Variants in LAMA2 observed in about 807,000 individuals in gnomAD.
The protein encoded by LAMA2 is laminin subunit alpha 2.
In LAMA2, 269 loss-of-function variants were observed where a neutral mutation model predicts 364.8. The observed-to-expected ratio is 0.74, with a 90% CI of 0.67 to 0.82. The LOEUF (loss-of-function observed/expected upper bound fraction) is 0.82, where lower values mean the gene tolerates loss of function less well. Among genes scored for constraint, LAMA2 ranks in the 40% least tolerant of loss-of-function variants. The pLI is 0.00. For synonymous variants in LAMA2, 1,379 were observed against 1,370.6 expected (o/e 1.01, Z -0.14); for missense variants, 3,807 against 3,873.2 (o/e 0.98, Z 0.45).
intron 6 of LAMA2, among the ~76,000 whole-genome samples, chr6:129,148,187 G>T (rs1778582885): frequency 6.6e-6 from 1 of 152,102 alleles, no homozygotes; most frequent in Admixed American, 6.6e-5. Flanking sequence ...AAAGGAATGA[G>T]ATCATGTCCT....
chr6:129,205,493 T>TATATATATATACAC (rs1343472728), intron 12 of LAMA2, among the ~76,000 whole-genome samples: 1 of 104,272 alleles, frequency 9.6e-6, no homozygotes, highest in African/African-American at 5.5e-5. Flanking sequence ...TATATATATA[T>TATATATATATACAC]ACACACACAC....
intron 61 of LAMA2, among the ~76,000 whole-genome samples, chr6:129,507,061 C>T (rs1172603725): frequency 1.4e-5 from 2 of 138,398 alleles, no homozygotes; most frequent in African/African-American, 2.6e-5. Context: ...AGCACTGAAC[C>T]AAACCTAATT....
At chr6:129,513,770 C>A (rs1050891098) in intron 63 of LAMA2, among the ~76,000 whole-genome samples, 1 of 152,086 alleles carries the variant, frequency 6.6e-6, no homozygotes, top group African/African-American at 2.4e-5. Context: ...AGTCTAAGTT[C>A]TTCATTGTTA....
intron 1 of LAMA2, among the ~76,000 whole-genome samples, chr6:128,911,180 C>G (rs564388991): frequency 1.4e-4 from 22 of 151,966 alleles, no homozygotes; most frequent in African/African-American, 3.4e-4. Flanking sequence ...TCGAGCTTCC[C>G]GGCTGCTTTG....
chr6:129,049,084 T>C (rs887853936), intron 1 of LAMA2, among the ~76,000 whole-genome samples: 1 of 152,216 alleles, frequency 6.6e-6, no homozygotes, highest in African/African-American at 2.4e-5. Context: ...GAGTGGCTTT[T>C]GATGAGTGAC....
chr6:128,964,592 A>G (rs534530202), intron 1 of LAMA2, among the ~76,000 whole-genome samples: 14 of 152,220 alleles, frequency 9.2e-5, no homozygotes, highest in African/African-American at 3.4e-4. Context: ...GTTTGAATCT[A>G]AGTAGATGAG....
intron 3 of LAMA2, among the ~76,000 whole-genome samples, chr6:129,067,100 C>G (rs1360526560): frequency 1.3e-5 from 2 of 152,118 alleles, no homozygotes; most frequent in Non-Finnish European, 2.9e-5. Context: ...ATCTGGATAA[C>G]CAGGGAAACA....
intron 47 of LAMA2, among the ~76,000 whole-genome samples, chr6:129,455,340 G>A (rs767298250): frequency 7.9e-5 from 12 of 152,164 alleles, no homozygotes; most frequent in Non-Finnish European, 1.2e-4. Context: ...GTGAGAGAGA[G>A]TGACAGAGTG....
At chr6:128,931,947 TC>T (rs1325662380) in intron 1 of LAMA2, among the ~76,000 whole-genome samples, 1 of 152,190 alleles carries the variant, frequency 6.6e-6, no homozygotes, top group African/African-American at 2.4e-5. Flanking sequence ...ATTATATTTT[TC>T]TCCAACTGCT....
intron 1 of LAMA2, among the ~76,000 whole-genome samples, chr6:128,947,327 G>A (rs1261912453): frequency 1.3e-5 from 2 of 152,156 alleles, no homozygotes; most frequent in Non-Finnish European, 2.9e-5. Context: ...CTAAGCTCAA[G>A]GGTCAACTCT....
intron 32 of LAMA2, among the ~76,000 whole-genome samples, chr6:129,361,592 A>C (rs1777463701): frequency 6.6e-6 from 1 of 152,084 alleles, no homozygotes; most frequent in Admixed American, 6.6e-5. Flanking sequence ...TTCCTCAAGG[A>C]GGCTAACCTG....
chr6:129,411,720 A>G (rs1049931478), intron 40 of LAMA2, among the ~76,000 whole-genome samples: 1 of 150,460 alleles, frequency 6.6e-6, no homozygotes, highest in Admixed American at 6.6e-5. Context: ...AATACGCTTC[A>G]TTTGCTATAA....
chr6:129,304,212 C>G (rs73585571), intron 22 of LAMA2, among the ~76,000 whole-genome samples: 24,278 of 152,020 alleles, frequency 0.16, 2,579 homozygotes, highest in East Asian at 0.41. Flanking sequence ...AAGAACATTC[C>G]TTCTTTTGCT....
At chr6:128,917,169 C>CT (rs1778371533) in intron 1 of LAMA2, among the ~76,000 whole-genome samples, 1 of 57,884 alleles carries the variant, frequency 1.7e-5, no homozygotes, top group African/African-American at 4.3e-5. Context: ...GAAATTGAAG[C>CT]CTTTTTTAAA....
At chr6:129,104,265 C>T (rs1008133321) in intron 4 of LAMA2, among the ~76,000 whole-genome samples, 2 of 152,168 alleles carry the variant, frequency 1.3e-5, no homozygotes, top group Non-Finnish European at 2.9e-5. Context: ...TCTAAAGTTA[C>T]AGTCTTCTGA....
At chr6:129,186,489 AT>A (rs1388743031) in intron 10 of LAMA2, among the ~76,000 whole-genome samples, 1 of 150,804 alleles carries the variant, frequency 6.6e-6, no homozygotes, top group African/African-American at 2.4e-5. Flanking sequence ...TACTGTGTGT[AT>A]TTATTTATTT....
At chr6:128,974,257 G>A (rs542080438) in intron 1 of LAMA2, among the ~76,000 whole-genome samples, 9 of 152,228 alleles carry the variant, frequency 5.9e-5, no homozygotes, top group Non-Finnish European at 1.0e-4. Flanking sequence ...TCCTTGCATC[G>A]TATGAAAAGA....
intron 13 of LAMA2, among the ~76,000 whole-genome samples, chr6:129,251,338 T>C (rs1786226053): frequency 6.6e-6 from 1 of 152,048 alleles, no homozygotes; most frequent in South Asian, 2.1e-4. Context: ...TTTAAAATAA[T>C]AGCTTAATTC....
chr6:129,227,452 C>T (rs1323358818), intron 12 of LAMA2, among the ~76,000 whole-genome samples: 1 of 152,164 alleles, frequency 6.6e-6, no homozygotes, highest in Non-Finnish European at 1.5e-5. Context: ...TTTTCCCCAT[C>T]TTTGTGGTTT....
Sources: allele counts gnomAD v4.1 joint callset (sites outside exome capture counted in the v4.1 genomes callset), GRCh38; gene constraint gnomAD v4.1.1; transcripts MANE v1.5; gene names NCBI Gene and HGNC (gene_info 2026-07-23, HGNC 2026-07-21).